The following DTNA variants were observed in gnomAD, a reference collection of about 807,000 sequenced individuals.
DTNA encodes the protein dystrophin-related protein 3.
Under a neutral mutation model 100.7 loss-of-function variants are expected in DTNA, and 43 were observed. That is an observed-to-expected ratio of 0.43 (90% CI 0.33 to 0.55). The LOEUF is 0.55. Among genes scored for constraint, DTNA ranks in the 20% least tolerant of loss-of-function variants. The pLI is 0.04. For synonymous variants in DTNA, 349 were observed against 347.9 expected, an observed-to-expected ratio of 1.00 and a Z score of -0.04; for missense variants, 798 against 953.9, an observed-to-expected ratio of 0.84 and a Z score of 2.15.
At chr18:34,824,424 C>T (rs1602718680) in intron 9 of DTNA, among the ~76,000 whole-genome samples, 2 of 151,432 alleles carry the variant, frequency 1.3e-5, no homozygotes, top group Non-Finnish European at 1.5e-5. Context: ...TGCAGTGAGC[C>T]GAGATCGCGC....
At chr18:34,798,547 C>G (rs2095081879) in intron 4 of DTNA, among the ~76,000 whole-genome samples, 1 of 152,198 alleles carries the variant, frequency 6.6e-6, no homozygotes, top group African/African-American at 2.4e-5. Flanking sequence ...TTGACTCAAT[C>G]TCATTTCAAT....
chr18:34,730,254 G>A (rs536771266), intron 1 of DTNA, among the ~76,000 whole-genome samples: 3 of 152,310 alleles, frequency 2.0e-5, no homozygotes, highest in South Asian at 2.1e-4. Context: ...GTAGTGAAAA[G>A]CACTGACAAC....
intron 13 of DTNA, among the ~76,000 whole-genome samples, chr18:34,843,093 A>G (rs1006471867): frequency 2.0e-5 from 3 of 152,176 alleles, no homozygotes; most frequent in Non-Finnish European, 4.4e-5. Context: ...TCTTCCCCTA[A>G]ACAAAGTTGT....
chr18:34,742,659 C>CGA (rs1568378799), intron 1 of DTNA, among the ~76,000 whole-genome samples: 12 of 152,058 alleles, frequency 7.9e-5, no homozygotes, highest in African/African-American at 2.9e-4. Context: ...GATAGATAAT[C>CGA]TATTATCTAT....
intron 1 of DTNA, among the ~76,000 whole-genome samples, chr18:34,672,101 A>G (rs903409414): frequency 3.3e-5 from 5 of 152,188 alleles, no homozygotes; most frequent in African/African-American, 1.2e-4. Flanking sequence ...ACTTGGGTAA[A>G]CATTGTTTTC....
intron 17 of DTNA, among the ~76,000 whole-genome samples, chr18:34,873,559 G>T (rs2096786008): frequency 6.6e-6 from 1 of 152,168 alleles, no homozygotes; most frequent in Admixed American, 6.5e-5. Context: ...CTCAGCCCCA[G>T]CCCTGCCCCT....
chr18:34,851,838 C>T lies in DTNA; in HGVS notation c.1442C>T (p.Pro481Leu), dbSNP rs1354941224. ...AAACTACATATTTTACAGCAGCCAC[C>T]TCAGCAGAGAAGTGCTCCTGACATC... The part of the protein sequence containing the change: ...LAAESSSSQP[P>L]QQRSAPDISF... The change falls in exon 15 of 23, where the codon CCT becomes CTT. Residue 481 changes from proline to leucine, a missense_variant. Coordinates refer to ENST00000444659, the MANE Select transcript of DTNA (RefSeq NM_001386795.1). 1 of 1,613,882 alleles carries T rather than the reference C, an allele frequency of 6.2e-7. No homozygotes were observed. Among genetic ancestry groups the T allele is most frequent in the Non-Finnish European group, 8.5e-7 (1 of 1,179,906 alleles).
intron 1 of DTNA, chr18:34,593,240 G>A (rs1374236288): frequency 6.6e-6 from 1 of 152,240 alleles, no homozygotes; most frequent in African/African-American, 2.4e-5. Context: ...GGGGAGGGAG[G>A]GCGCATGAAA....
At chr18:34,519,689 A>C (rs987139987) in intron 1 of DTNA, among the ~76,000 whole-genome samples, 1 of 151,998 alleles carries the variant, frequency 6.6e-6, no homozygotes, top group Non-Finnish European at 1.5e-5. Flanking sequence ...TCTTTTTTCA[A>C]ATGAAGTCTC....
chr18:34,644,163 G>A (rs549696073), intron 1 of DTNA, among the ~76,000 whole-genome samples: 2 of 152,116 alleles, frequency 1.3e-5, no homozygotes, highest in South Asian at 2.1e-4. Context: ...TCCTTTTATT[G>A]TCCTATTCAC....
At chr18:34,571,122 G>A (rs554857168) in intron 1 of DTNA, among the ~76,000 whole-genome samples, 58 of 152,102 alleles carry the variant, frequency 3.8e-4, no homozygotes, top group Non-Finnish European at 8.1e-4. Context: ...AAAAATTCAA[G>A]CCTATATTGA....
At chr18:34,496,737 T>G (rs1302159779) in intron 1 of DTNA, among the ~76,000 whole-genome samples, 2 of 152,196 alleles carry the variant, frequency 1.3e-5, no homozygotes, top group African/African-American at 4.8e-5. Context: ...TGAAAGAAGT[T>G]CTATGAGAAT....
chr18:34,709,720 T>G (rs2082556764), upstream of DTNA, among the ~76,000 whole-genome samples: 1 of 152,146 alleles, frequency 6.6e-6, no homozygotes, highest in African/African-American at 2.4e-5. Context: ...GAAATCTGTT[T>G]AAATAACAGT....
intron 16 of DTNA, among the ~76,000 whole-genome samples, chr18:34,862,124 CA>C (rs1002538086): frequency 0.14 from 7,633 of 56,254 alleles, 217 homozygotes; most frequent in Middle Eastern, 0.2. Context: ...CAGACAAGGT[CA>C]AAAAAAAAAA....
chr18:34,621,888 G>T (rs2056571586), intron 1 of DTNA, among the ~76,000 whole-genome samples: 1 of 152,098 alleles, frequency 6.6e-6, no homozygotes. Flanking sequence ...ATTCCACAAT[G>T]TATACATATT....
At chr18:34,667,032 A>G (rs1599836049) in intron 1 of DTNA, among the ~76,000 whole-genome samples, 1 of 152,208 alleles carries the variant, frequency 6.6e-6, no homozygotes, top group African/African-American at 2.4e-5. Context: ...CATTTTCACG[A>G]TATTGATTCT....
intron 1 of DTNA, among the ~76,000 whole-genome samples, chr18:34,698,364 C>T (rs145315354): frequency 2.0e-5 from 3 of 152,272 alleles, no homozygotes; most frequent in African/African-American, 7.2e-5. Flanking sequence ...GGCCATTCTC[C>T]CTATGAAGGT....
At chr18:34,576,332 CAATTG>C (rs1305196077) in intron 1 of DTNA, among the ~76,000 whole-genome samples, 1 of 152,192 alleles carries the variant, frequency 6.6e-6, no homozygotes. Context: ...CCCAAGTCAG[CAATTG>C]ACAATCAAGA....
intron 1 of DTNA, among the ~76,000 whole-genome samples, chr18:34,588,168 A>G (rs534473990): frequency 3.5e-4 from 54 of 152,348 alleles, no homozygotes; most frequent in African/African-American, 1.3e-3. Flanking sequence ...CTTAAGATTC[A>G]TGACTATATC....
Sources: allele counts gnomAD v4.1 joint callset (sites outside exome capture counted in the v4.1 genomes callset), GRCh38; gene constraint gnomAD v4.1.1; transcripts MANE v1.5; gene names NCBI Gene and HGNC (gene_info 2026-07-23, HGNC 2026-07-21).